Variants in ABCC11 observed in about 807,000 individuals in gnomAD.
ABCC11 encodes the protein ATP-binding cassette sub-family C member 11.
ABCC11 carries 135 observed loss-of-function variants against 149.3 expected under a neutral mutation model. That is an observed-to-expected ratio of 0.90 (90% CI 0.79 to 1.04). ABCC11 has a LOEUF of 1.04. Ranked by LOEUF, ABCC11 falls within the 50% of genes least tolerant of loss-of-function variation. ABCC11 has a pLI of 0.00. For synonymous variants in ABCC11, 665 were observed against 671.4 expected (o/e 0.99, Z 0.15); for missense variants, 1,680 against 1,722.1 (o/e 0.98, Z 0.43).
In ABCC11 at chr16:48,170,185, C is replaced by T. The variant is rs749983411; in HGVS notation, c.3811G>A (p.Val1271Met). The T allele has an allele frequency of 6.2e-7, 1 of 1,614,032 alleles. No homozygotes were observed. ...SKFPKKLHTD[V>M]VENGGNFSVG... is the part of the protein sequence containing the mutation. ...GAGAAGTTTCCACCGTTTTCCACCACATCTGTATGCAGCTTTTTGGGGAAC... is the reference window on the plus strand; with the variant it reads ...GAGAAGTTTCCACCGTTTTCCACCATATCTGTATGCAGCTTTTTGGGGAAC... Residue 1271 changes from valine (V) to methionine (M), a missense_variant, in exon 28 of 30, where the codon GTG becomes ATG. Physicochemically the swap from Val to Met is conservative, Grantham distance 21. Coordinates refer to ENST00000356608, the MANE Select transcript of ABCC11 (RefSeq NM_001370497.1).
chr16:48,167,223 G>T lies in ABCC11; in HGVS notation c.*51C>A, dbSNP rs757122496. On this transcript the variant is annotated 3_prime_UTR_variant, in exon 30 of 30. Transcript: ENST00000356608. ...GACTGTGGGCCTCGAAGCTGCACCTGTGTGAACCTCTGAGCTCAGCTGCCA... is the reference window on the plus strand; with the variant it reads ...GACTGTGGGCCTCGAAGCTGCACCTTTGTGAACCTCTGAGCTCAGCTGCCA... The T allele has an allele frequency of 5.1e-6, 4 of 778,558 alleles. No individual in the cohort carries two copies. The Admixed American group carries it at 6.8e-5, about 13-fold the overall frequency. 48.2% of individuals were successfully genotyped at this position (778,558 alleles called of 1,614,324 possible).
At chr16:48,203,186 C>A (rs753548274) in intron 14 of ABCC11, 42 bp downstream of exon 14, 1 of 1,519,518 alleles carries the variant, frequency 6.6e-7, no homozygotes, top group Non-Finnish European at 8.9e-7. Flanking sequence ...AACATAAGAG[C>A]ACCAACATTA....
At position 48,198,084 on chromosome 16, in the gene ABCC11, G is replaced by A; in HGVS notation, c.2218-17C>T. 6.2e-7 allele frequency: 1 copy of A among 1,614,200 alleles called. No homozygotes were observed. The highest frequency in any genetic ancestry group is 2.2e-5 in the East Asian group (1 of 44,870). ...CAACATGTCCTGGGGAGAGAGCACA[G>A]GCCCTGAGTACACGTGCGTCCACCG... On this transcript the variant is annotated splice_polypyrimidine_tract_variant and intron_variant, in intron 16 of 29. Transcript: ENST00000356608.
intron 2 of ABCC11, among the ~76,000 whole-genome samples, chr16:48,230,875 G>A (rs1217413949): frequency 6.6e-6 from 1 of 151,836 alleles, no homozygotes; most frequent in Admixed American, 6.6e-5. Context: ...GCAGAATGAG[G>A]GACCAAGTCA....
chr16:48,181,402 T>C (rs1966423226), intron 23 of ABCC11, among the ~76,000 whole-genome samples: 3 of 152,208 alleles, frequency 2.0e-5, no homozygotes, highest in Non-Finnish European at 4.4e-5. Flanking sequence ...CTAATATTCA[T>C]TGAGCATTTA....
chr16:48,193,777 G>T, intron 19 of ABCC11, 102 bp downstream of exon 19: 1 of 949,600 alleles, frequency 1.1e-6, no homozygotes. Context: ...TGTCATGTGG[G>T]TCCCAAGCCA....
intron 18 of ABCC11, among the ~76,000 whole-genome samples, chr16:48,194,275 C>T (rs1967189187): frequency 6.6e-6 from 1 of 152,164 alleles, no homozygotes; most frequent in Non-Finnish European, 1.5e-5. Flanking sequence ...CAGAGCCATG[C>T]TGAAGATGAT....
intron 28 of ABCC11, 152 bp from the exon 29 acceptor site, chr16:48,167,812 CCGCT>C: frequency 1.1e-6 from 1 of 882,212 alleles, no homozygotes; most frequent in South Asian, 1.6e-5. Context: ...AGTGCAAAGC[CCGCT>C]CTGATTGCTG....
In ABCC11 at chr16:48,166,308, G is replaced by A. The variant is rs1965335938; in HGVS notation, c.*966C>T. 2.6e-5 allele frequency among the ~76,000 whole-genome samples: 4 copies of A among 152,220 alleles called. No individual in the cohort carries two copies. The South Asian group carries it at 6.2e-4, about 24-fold the overall frequency. ...TCATTGAGGCAAGAAGACCTGGGGGGTGCAGAGTGTGTAGGACGTGAACCT... is the reference window on the plus strand; with the variant it reads ...TCATTGAGGCAAGAAGACCTGGGGGATGCAGAGTGTGTAGGACGTGAACCT... On this transcript the variant is annotated 3_prime_UTR_variant, in exon 30 of 30. Coordinates refer to ENST00000356608, the MANE Select transcript of ABCC11 (RefSeq NM_001370497.1).
At chr16:48,176,792 C>T in intron 25 of ABCC11, 132 bp downstream of exon 25, 2 of 1,102,822 alleles carry the variant, frequency 1.8e-6, no homozygotes, top group Non-Finnish European at 2.5e-6. Flanking sequence ...TTGTCTAGCA[C>T]AGGGCCCAGC....
intron 17 of ABCC11, among the ~76,000 whole-genome samples, chr16:48,197,309 C>G (rs4396534): frequency 1 from 151,951 of 152,228 alleles, 75,837 homozygotes; most frequent in East Asian, 1. Context: ...GGGCAACGGA[C>G]CAAACTCTGT....
chr16:48,204,859 G>A (rs73540887), intron 13 of ABCC11, among the ~76,000 whole-genome samples: 3,848 of 152,210 alleles, frequency 0.025, 160 homozygotes, highest in African/African-American at 0.086. Context: ...AGGTTAACCC[G>A]AGAATTCTAG....
At position 48,193,989 on chromosome 16, in the gene ABCC11, G is replaced by C. The variant is rs761846105; in HGVS notation, c.2405-7C>G. The C allele has an allele frequency of 6.3e-7, 1 of 1,598,678 alleles. No homozygotes were observed. The highest frequency in any genetic ancestry group is 1.1e-5 in the South Asian group (1 of 90,672). ...ATGCAAGAGACCATGTAACCTGGGA[G>C]GGAGACAGTGGTGATGTACAAGTGC... On this transcript the variant is annotated splice_polypyrimidine_tract_variant and splice_region_variant and intron_variant, in intron 18 of 29. Coordinates refer to ENST00000356608, the MANE Select transcript of ABCC11 (RefSeq NM_001370497.1).
Position 48,187,282 on chromosome 16 carries a change from A to T in ABCC11, c.2852T>A (p.Val951Asp). 6.2e-7 allele frequency: 1 copy of T among 1,614,198 alleles called. No homozygotes were observed. The highest frequency in any genetic ancestry group is 8.5e-7 in the Non-Finnish European group (1 of 1,180,032). ...FLVLSLMVIA[V>D]LLIVSVLSPY... is the part of the protein sequence containing the mutation. ...AGACAGCACACTGACAATCAACAGG[A>T]CGGCGATCACCATTAAGGACAGGAC... Residue 951 changes from valine (V) to aspartate (D), a missense_variant, in exon 21 of 30, where the codon GTC (valine) becomes GAC (aspartate). By Grantham distance (152) the Val-to-Asp change is radical (BLOSUM62 -3). Coordinates refer to ENST00000356608, the MANE Select transcript of ABCC11 (RefSeq NM_001370497.1).
intron 6 of ABCC11, among the ~76,000 whole-genome samples, chr16:48,219,169 G>GT (rs59995920): frequency 0.13 from 17,609 of 134,442 alleles, 1,328 homozygotes; most frequent in Middle Eastern, 0.21. Context: ...TTGGTTTTGG[G>GT]TTTTTTTTTT....
intron 22 of ABCC11, among the ~76,000 whole-genome samples, chr16:48,185,675 C>T (rs960721298): frequency 6.6e-6 from 1 of 152,120 alleles, no homozygotes; most frequent in Non-Finnish European, 1.5e-5. Flanking sequence ...TGGGCTATCA[C>T]CCCAGCAGAG....
chr16:48,225,487 G>A (rs1240375588), intron 4 of ABCC11, among the ~76,000 whole-genome samples: 1 of 152,182 alleles, frequency 6.6e-6, no homozygotes, highest in Admixed American at 6.5e-5. Flanking sequence ...CCCACACTCT[G>A]AACTGGACTG....
chr16:48,176,222 C>T (rs947723661), intron 25 of ABCC11, among the ~76,000 whole-genome samples: 4 of 152,164 alleles, frequency 2.6e-5, no homozygotes, highest in Non-Finnish European at 4.4e-5. Flanking sequence ...ACAGACCAGG[C>T]AGGCCCTCAT....
At position 48,214,933 on chromosome 16, in the gene ABCC11, G is replaced by A. The variant is rs374130441; in HGVS notation, c.1196C>T (p.Ala399Val). 2.5e-5 allele frequency: 40 copies of A among 1,614,024 alleles called. No homozygotes were observed. The East Asian group carries it at 3.3e-4, about 13-fold the overall frequency. The change falls in exon 9 of 30, where the codon GCG (alanine) becomes GTG (valine). Residue 399 changes from alanine (A) to valine (V), a missense_variant. Ala to Val is a moderately conservative substitution (Grantham distance 64). Coordinates refer to ENST00000356608, the MANE Select transcript of ABCC11 (RefSeq NM_001370497.1). ...GGATGTGTGGATGAGAACCCAGACC[G>A]CTGTGGCCACTGTGGGGATGATGAA... Reference protein sequence around the residue: ...TLFIIPTVATAVWVLIHTSLK... With the variant: ...TLFIIPTVATVVWVLIHTSLK...
Sources: gnomAD v4.1 joint callset for allele counts (sites outside exome capture counted in the v4.1 genomes callset) on GRCh38, gnomAD v4.1.1 for gene constraint, MANE v1.5 for transcripts, NCBI Gene and HGNC (gene_info 2026-07-23, HGNC 2026-07-21) for gene names.